The following ZNF644 variants were observed in gnomAD, a reference collection of about 807,000 sequenced individuals.
ZNF644 encodes zinc finger motif enhancer binding protein 2.
In ZNF644, 20 loss-of-function variants were observed where a neutral mutation model predicts 108.0. The ratio of observed to expected loss-of-function variants is 0.19; its 90% CI spans 0.13 to 0.27. The LOEUF (loss-of-function observed/expected upper bound fraction) is 0.27, where lower values mean the gene tolerates loss of function less well. Among genes scored for constraint, ZNF644 ranks in the 10% least tolerant of loss-of-function variants. The probability of loss-of-function intolerance (pLI) is 1.00; values close to 1 mark genes in which losing one functional copy is unlikely to be tolerated. For synonymous variants in ZNF644, 542 were observed against 539.1 expected (o/e 1.01, Z -0.08); for missense variants, 1,338 against 1,548.9 (o/e 0.86, Z 2.29).
intron 1 of ZNF644, among the ~76,000 whole-genome samples, chr1:90,990,952 G>T (rs1011499049): frequency 3.3e-5 from 5 of 151,984 alleles, no homozygotes; most frequent in African/African-American, 1.2e-4. Flanking sequence ...AACTTTTGCG[G>T]GTGATGAATA....
In ZNF644 at chr1:91,001,333, C is replaced by T. The variant is rs529733109; in HGVS notation, c.-17-18963G>A. 2.3e-3 allele frequency among the ~76,000 whole-genome samples: 355 copies of T among 152,272 alleles called. 2 individuals are homozygous for T. Among genetic ancestry groups the T allele is most frequent in the African/African-American group, 8.1e-3 (336 of 41,556 alleles). On this transcript the variant is annotated intron_variant, in intron 1 of 5. Transcript: ENST00000337393. ...CCAGCAGCACATCAAAAAGCTTATC[C>T]ACCATGATCAAGTGGGCTTCATCCC...
At chr1:90,985,145 C>A (rs539762847) in intron 1 of ZNF644, among the ~76,000 whole-genome samples, 2 of 152,130 alleles carry the variant, frequency 1.3e-5, no homozygotes. Flanking sequence ...TAAACCAGCA[C>A]ATTTTAGACA....
chr1:91,003,422 A>G (rs1659084036), intron 1 of ZNF644, among the ~76,000 whole-genome samples: 1 of 152,130 alleles, frequency 6.6e-6, no homozygotes, highest in Non-Finnish European at 1.5e-5. Flanking sequence ...TCAGCAAACT[A>G]TTGCAAGGAC....
intron 4 of ZNF644, among the ~76,000 whole-genome samples, chr1:90,920,689 C>A (rs1285463903): frequency 6.6e-6 from 1 of 151,870 alleles, no homozygotes; most frequent in Non-Finnish European, 1.5e-5. Flanking sequence ...GGTATTATAA[C>A]CTTGGAAAGC....
At chr1:90,969,649 T>C (rs1655262114) in intron 2 of ZNF644, among the ~76,000 whole-genome samples, 1 of 152,218 alleles carries the variant, frequency 6.6e-6, no homozygotes. Context: ...TTAGCCATCT[T>C]AGTTATCAAA....
chr1:90,927,842 C>T (rs1650229895), intron 4 of ZNF644, among the ~76,000 whole-genome samples: 1 of 150,510 alleles, frequency 6.6e-6, no homozygotes, highest in South Asian at 2.1e-4. Context: ...TCCTTCTTTC[C>T]TTCCTTCCTT....
chr1:90,994,582 A>G (rs1657950216), intron 1 of ZNF644, among the ~76,000 whole-genome samples: 1 of 152,210 alleles, frequency 6.6e-6, no homozygotes, highest in Non-Finnish European at 1.5e-5. Flanking sequence ...CAGAAACTAG[A>G]AAGAATGATG....
chr1:90,996,387 AG>A (rs1658146941), intron 1 of ZNF644, among the ~76,000 whole-genome samples: 1 of 152,334 alleles, frequency 6.6e-6, no homozygotes, highest in South Asian at 2.1e-4. Flanking sequence ...GGAGCAATCT[AG>A]GAAGAGTGAT....
chr1:91,008,557 G>A (rs1318236987), intron 1 of ZNF644, among the ~76,000 whole-genome samples: 1 of 152,142 alleles, frequency 6.6e-6, no homozygotes, highest in African/African-American at 2.4e-5. Context: ...TAGTTCATCA[G>A]GATAATCAGA....
chr1:90,993,025 C>A (rs138388342), intron 1 of ZNF644, among the ~76,000 whole-genome samples: 1 of 152,066 alleles, frequency 6.6e-6, no homozygotes, highest in Non-Finnish European at 1.5e-5. Context: ...GCCTGGTCAA[C>A]AGAGCAAGAC....
intron 2 of ZNF644, among the ~76,000 whole-genome samples, chr1:90,943,283 T>A (rs1237185657): frequency 6.6e-6 from 1 of 151,414 alleles, no homozygotes; most frequent in Non-Finnish European, 1.5e-5. Context: ...CTACTAAAAA[T>A]AAAAAAAATT....
intron 2 of ZNF644, among the ~76,000 whole-genome samples, chr1:90,969,279 C>A (rs1187825342): frequency 2.0e-5 from 3 of 152,112 alleles, no homozygotes; most frequent in Admixed American, 6.5e-5. Flanking sequence ...GAGAAGACAG[C>A]CATCTGCAAG....
chr1:90,998,576 A>G (rs1490876878), intron 1 of ZNF644, among the ~76,000 whole-genome samples: 2 of 152,240 alleles, frequency 1.3e-5, no homozygotes, highest in Non-Finnish European at 2.9e-5. Flanking sequence ...GACCAAAGGT[A>G]GATAAAACCA....
rs1651870841 is a variant in ZNF644 at position 90,940,720 on chromosome 1, T to C, written c.634A>G (p.Ile212Val). ...TTTATTAAAGTGCCATCTGACTTTATATTACTCCCTACTGAATTCTGAATG... is the reference window on the plus strand; with the variant it reads ...TTTATTAAAGTGCCATCTGACTTTACATTACTCCCTACTGAATTCTGAATG... ...CDIQNSVGSN[I>V]KSDGTLINQV... is the part of the protein sequence containing the mutation. The change falls in exon 3 of 6, where the codon ATA becomes GTA. Residue 212 changes from isoleucine to valine, a missense_variant. Physicochemically the swap from Ile to Val is conservative, Grantham distance 29. Coordinates refer to ENST00000337393, the MANE Select transcript of ZNF644 (RefSeq NM_201269.3). 3 of 1,614,102 alleles carry C rather than the reference T, an allele frequency of 1.9e-6. No individual in the cohort carries two copies. The highest frequency in any genetic ancestry group is 2.7e-5 in the African/African-American group (2 of 75,058).
intron 2 of ZNF644, among the ~76,000 whole-genome samples, chr1:90,954,591 C>T (rs1570424966): frequency 6.6e-6 from 1 of 151,962 alleles, no homozygotes; most frequent in Non-Finnish European, 1.5e-5. Context: ...ATTTTTAGTA[C>T]AGACAGGGTT....
At chr1:90,978,016 A>G (rs1229496044) in intron 2 of ZNF644, among the ~76,000 whole-genome samples, 2 of 152,232 alleles carry the variant, frequency 1.3e-5, no homozygotes, top group Non-Finnish European at 2.9e-5. Flanking sequence ...CTATTTGCTC[A>G]TAAGGTCACA....
intron 1 of ZNF644, among the ~76,000 whole-genome samples, chr1:91,008,258 C>A (rs1659629993): frequency 6.6e-6 from 1 of 152,174 alleles, no homozygotes; most frequent in Non-Finnish European, 1.5e-5. Flanking sequence ...GCAAGAGATC[C>A]ATTCCTGAAA....
At chr1:90,988,504 C>T (rs1351017773) in intron 1 of ZNF644, among the ~76,000 whole-genome samples, 1 of 152,176 alleles carries the variant, frequency 6.6e-6, no homozygotes, top group Non-Finnish European at 1.5e-5. Flanking sequence ...GTCAAAGTCC[C>T]AATGGCATTT....
At chr1:90,971,523 G>A (rs1017854245) in intron 2 of ZNF644, among the ~76,000 whole-genome samples, 3 of 151,934 alleles carry the variant, frequency 2.0e-5, no homozygotes, top group East Asian at 1.9e-4. Context: ...GGGTTCAAGC[G>A]ATTCTCCTGC....
Sources: allele counts gnomAD v4.1 joint callset (sites outside exome capture counted in the v4.1 genomes callset), GRCh38; gene constraint gnomAD v4.1.1; transcripts MANE v1.5; gene names NCBI Gene and HGNC (gene_info 2026-07-23, HGNC 2026-07-21).